Variants in VWA8 observed in about 807,000 individuals in gnomAD.
The protein encoded by VWA8 is von Willebrand factor A domain containing 8, also known as von Willebrand factor A domain-containing protein 8.
Under a neutral mutation model 241.5 loss-of-function variants are expected in VWA8, and 221 were observed. That is an observed-to-expected ratio of 0.91 (90% CI 0.82 to 1.02). VWA8 has a LOEUF of 1.02. Ranked by LOEUF, VWA8 falls within the 50% of genes least tolerant of loss-of-function variation. The probability of loss-of-function intolerance (pLI) is 0.00; values close to 1 mark genes in which losing one functional copy is unlikely to be tolerated. For synonymous variants in VWA8, 852 were observed against 827.1 expected (o/e 1.03, Z -0.52); for missense variants, 2,322 against 2,328.7 (o/e 1.00, Z 0.06).
At chr13:41,886,111 TTAATTAATC>T in intron 7 of VWA8, 83 bp from the exon 8 acceptor site, 1 of 895,482 alleles carries the variant, frequency 1.1e-6, no homozygotes, top group Non-Finnish European at 1.7e-6. Context: ...AGGGGCCAAT[TTAATTAATC>T]TAAAAAAGAT....
intron 14 of VWA8, among the ~76,000 whole-genome samples, chr13:41,825,926 G>A (rs1044875603): frequency 1.4e-4 from 22 of 152,130 alleles, no homozygotes; most frequent in African/African-American, 5.3e-4. Context: ...ATGAAATAAA[G>A]TAATTTCCTC....
At chr13:41,937,789 ATAAAT>A (rs1422156028) in intron 2 of VWA8, among the ~76,000 whole-genome samples, 2 of 152,270 alleles carry the variant, frequency 1.3e-5, no homozygotes, top group Non-Finnish European at 2.9e-5. Flanking sequence ...CAATTAAAAA[ATAAAT>A]TAATTTTTAA....
intron 12 of VWA8, among the ~76,000 whole-genome samples, chr13:41,851,182 C>G (rs1370419484): frequency 6.6e-6 from 1 of 152,044 alleles, no homozygotes; most frequent in Non-Finnish European, 1.5e-5. Flanking sequence ...TTTCCCATTC[C>G]CCAGTTCCTG....
intron 17 of VWA8, among the ~76,000 whole-genome samples, chr13:41,804,190 G>A (rs757930839): frequency 2.2e-4 from 33 of 152,060 alleles, no homozygotes; most frequent in Non-Finnish European, 4.6e-4. Context: ...AGTACAACAA[G>A]GTTATAGAAC....
At chr13:41,578,410 G>A (rs758909983) in intron 42 of VWA8, among the ~76,000 whole-genome samples, 19 of 151,918 alleles carry the variant, frequency 1.3e-4, no homozygotes, top group Non-Finnish European at 2.1e-4. Flanking sequence ...ATTCCCTGGC[G>A]TTACTGCAGA....
chr13:41,654,386 G>A (rs937780662), intron 37 of VWA8, among the ~76,000 whole-genome samples: 2 of 152,148 alleles, frequency 1.3e-5, no homozygotes, highest in Admixed American at 1.3e-4. Flanking sequence ...GTGTCACCTA[G>A]TAGAGCAGTC....
In VWA8 at chr13:41,831,330, C is replaced by T. The variant is rs535354890; in HGVS notation, c.1587-688G>A. Among the ~76,000 whole-genome samples, 6 of 152,192 alleles carry T rather than the reference C, an allele frequency of 3.9e-5. No individual in the cohort carries two copies. The East Asian group carries it at 1.2e-3, about 29-fold the overall frequency. On this transcript the variant is annotated intron_variant, in intron 13 of 44. Transcript: ENST00000379310. ...GCATGGCCGGTGGAACCAATCAGACCTGGGTTCAACTCCAGCTGTGCACCT... is the reference window on the plus strand; with the variant it reads ...GCATGGCCGGTGGAACCAATCAGACTTGGGTTCAACTCCAGCTGTGCACCT...
At chr13:41,611,551 G>T in intron 39 of VWA8, 25 bp downstream of exon 39, 4 of 1,613,154 alleles carry the variant, frequency 2.5e-6, no homozygotes, top group Non-Finnish European at 3.4e-6. Flanking sequence ...AGTAGTGCTG[G>T]TCTAAATGTG....
At chr13:41,936,904 T>C (rs564968343) in intron 2 of VWA8, among the ~76,000 whole-genome samples, 10 of 152,302 alleles carry the variant, frequency 6.6e-5, no homozygotes, top group Non-Finnish European at 1.5e-4. Context: ...CAATGATGGA[T>C]TGCATATTAG....
chr13:41,596,907 A>C (rs1441522721), intron 40 of VWA8, among the ~76,000 whole-genome samples: 1 of 151,844 alleles, frequency 6.6e-6, no homozygotes, highest in African/African-American at 2.4e-5. Context: ...ACTTTGTCTT[A>C]TGATTTCAGC....
intron 2 of VWA8, among the ~76,000 whole-genome samples, chr13:41,929,380 T>C (rs987155214): frequency 2.0e-5 from 3 of 152,144 alleles, no homozygotes; most frequent in Non-Finnish European, 2.9e-5. Context: ...CTTGAACTCC[T>C]GGGCTAGAGC....
At chr13:41,573,486 A>ATATATATATATATATATAT (rs1555303592) in intron 43 of VWA8, among the ~76,000 whole-genome samples, 3 of 113,596 alleles carry the variant, frequency 2.6e-5, no homozygotes, top group East Asian at 5.3e-4. Context: ...AAAAAAAAAA[A>ATATATATATATATATATAT]ATATATATAT....
intron 39 of VWA8, among the ~76,000 whole-genome samples, chr13:41,609,929 T>C (rs186066509): frequency 6.6e-6 from 1 of 152,310 alleles, no homozygotes; most frequent in East Asian, 1.9e-4. Context: ...CAGATGCCCC[T>C]TACTTCTTCC....
chr13:41,743,286 C>A (rs1011918419), intron 21 of VWA8, among the ~76,000 whole-genome samples: 5 of 152,184 alleles, frequency 3.3e-5, no homozygotes. Flanking sequence ...GAGGCTACTG[C>A]AATAGTTCAG....
chr13:41,661,009 G>A lies in VWA8; in HGVS notation c.4611+9937C>T, dbSNP rs185470108. On this transcript the variant is annotated intron_variant, in intron 37 of 44. Coordinates refer to ENST00000379310, the MANE Select transcript of VWA8 (RefSeq NM_015058.2). ...GCCTCCCAAGTAGCTGGGACTACAGGCGCATGCCACCACACCCAGCTAATT... is the reference window on the plus strand; with the variant it reads ...GCCTCCCAAGTAGCTGGGACTACAGACGCATGCCACCACACCCAGCTAATT... 1.7e-3 allele frequency among the ~76,000 whole-genome samples: 255 copies of A among 152,134 alleles called. 1 individual carries two copies. Among genetic ancestry groups the A allele is most frequent in the African/African-American group, 5.9e-3 (245 of 41,492 alleles).
chr13:41,800,723 G>A (rs1202747768), intron 17 of VWA8, among the ~76,000 whole-genome samples: 1 of 150,418 alleles, frequency 6.6e-6, no homozygotes, highest in African/African-American at 2.4e-5. Flanking sequence ...AACCTGGGAG[G>A]CAGAGCTTGT....
intron 42 of VWA8, among the ~76,000 whole-genome samples, chr13:41,582,379 A>G (rs2044388460): frequency 6.6e-6 from 1 of 152,152 alleles, no homozygotes; most frequent in Non-Finnish European, 1.5e-5. Context: ...GCCAAGAGAG[A>G]TGGGGAGAGT....
At chr13:41,630,926 A>G (rs2044721894) in intron 37 of VWA8, among the ~76,000 whole-genome samples, 2 of 152,162 alleles carry the variant, frequency 1.3e-5, no homozygotes, top group Non-Finnish European at 1.5e-5. Flanking sequence ...TTTCCACAGT[A>G]AAGTGTCATC....
At chr13:41,696,094 T>C (rs991742037) in intron 29 of VWA8, 2 of 152,196 alleles carry the variant, frequency 1.3e-5, no homozygotes, top group Non-Finnish European at 2.9e-5. Flanking sequence ...GTTTTGGTTA[T>C]AGAGTTAAAT....
Sources: gnomAD v4.1 joint callset for allele counts (sites outside exome capture counted in the v4.1 genomes callset) on GRCh38, gnomAD v4.1.1 for gene constraint, MANE v1.5 for transcripts, NCBI Gene and HGNC (gene_info 2026-07-23, HGNC 2026-07-21) for gene names.